Variants in SNX30 observed in about 807,000 individuals in gnomAD.
SNX30 encodes sorting nexin family member 30, also known as sorting nexin-30.
In SNX30, 24 loss-of-function variants were observed where a neutral mutation model predicts 46.4. The observed-to-expected ratio is 0.52, with a 90% CI of 0.37 to 0.73. The LOEUF is 0.73. Among genes scored for constraint, SNX30 ranks in the 30% least tolerant of loss-of-function variants. SNX30 has a pLI of 0.00. For synonymous variants in SNX30, 189 were observed against 211.5 expected (o/e 0.89, Z 0.92); for missense variants, 533 against 555.7 (o/e 0.96, Z 0.41).
At chr9:112,868,039 C>T (rs1339761651) in intron 8 of SNX30, among the ~76,000 whole-genome samples, 5 of 152,210 alleles carry the variant, frequency 3.3e-5, no homozygotes. Context: ...GTGGAGAGAA[C>T]ATCAGCGTGG....
At chr9:112,758,517 A>T (rs939570453) in intron 1 of SNX30, among the ~76,000 whole-genome samples, 12 of 152,016 alleles carry the variant, frequency 7.9e-5, no homozygotes, top group Non-Finnish European at 1.6e-4. Context: ...TTTGGTAGAG[A>T]TGGGGTTTCG....
intron 6 of SNX30, 114 bp from the exon 7 acceptor site, chr9:112,850,742 TGGG>T: frequency 1.5e-6 from 1 of 676,816 alleles, no homozygotes; most frequent in Non-Finnish European, 2.6e-6. Flanking sequence ...AGCACATGGC[TGGG>T]CCTGGGGTAG....
At chr9:112,761,969 C>T (rs1014669495) in intron 1 of SNX30, among the ~76,000 whole-genome samples, 2 of 152,114 alleles carry the variant, frequency 1.3e-5, no homozygotes, top group Admixed American at 6.5e-5. Context: ...AGGATGTCAT[C>T]GCAGTTTGAA....
At chr9:112,833,869 T>C (rs1413533605) in intron 4 of SNX30, among the ~76,000 whole-genome samples, 1 of 152,172 alleles carries the variant, frequency 6.6e-6, no homozygotes, top group Non-Finnish European at 1.5e-5. Flanking sequence ...ATGGAATCTT[T>C]AGGACACTCT....
chr9:112,751,180 G>C (rs1258967950), intron 1 of SNX30, 23 bp downstream of exon 1: 14 of 1,466,714 alleles, frequency 9.5e-6, no homozygotes, highest in Admixed American at 2.2e-5. Flanking sequence ...GGGCCGGGGA[G>C]TGGGAGGCTT....
chr9:112,861,033 T>C (rs1841219254), intron 7 of SNX30, among the ~76,000 whole-genome samples: 1 of 152,162 alleles, frequency 6.6e-6, no homozygotes, highest in South Asian at 2.1e-4. Context: ...GGAAAATACA[T>C]TGCAAGAGTG....
intron 6 of SNX30, among the ~76,000 whole-genome samples, chr9:112,839,126 A>G (rs1041365433): frequency 2.0e-5 from 3 of 152,210 alleles, no homozygotes; most frequent in Admixed American, 2.0e-4. Context: ...AAGTACTGAA[A>G]ATATGAAAGA....
At position 112,864,354 on chromosome 9, in the gene SNX30, G is replaced by A. The variant is rs535897402; in HGVS notation, c.1209G>A (p.Gln403=). 1 of 1,614,252 alleles carries A rather than the reference G, an allele frequency of 6.2e-7. No homozygotes were observed. Among genetic ancestry groups the A allele is most frequent in the East Asian group, 2.2e-5 (1 of 44,888 alleles). Reference sequence around the variant, plus strand: ...ACAACAAGAGGCAGGACTTCCGGCAGCTACTCATGGGGATGGCTGACAAGA... The same window carrying A: ...ACAACAAGAGGCAGGACTTCCGGCAACTACTCATGGGGATGGCTGACAAGA... ...WQNNKRQDFR[Q]LLMGMADKNI... Residue 403 remains glutamine (Q), a synonymous_variant, in exon 8 of 9, where the codon CAG becomes CAA. Transcript: ENST00000374232.
chr9:112,804,106 C>T (rs1184935373), intron 1 of SNX30, among the ~76,000 whole-genome samples: 1 of 151,222 alleles, frequency 6.6e-6, no homozygotes, highest in African/African-American at 2.4e-5. Context: ...CTGCGTCGCT[C>T]ACGCTGGGAG....
chr9:112,754,406 C>CTTTTT (rs755479504), intron 1 of SNX30, among the ~76,000 whole-genome samples: 17 of 113,036 alleles, frequency 1.5e-4, no homozygotes, highest in African/African-American at 2.6e-4. Flanking sequence ...CTCACTGGGC[C>CTTTTT]TTTTTTTTTT....
intron 1 of SNX30, among the ~76,000 whole-genome samples, chr9:112,760,640 G>T (rs1296617129): frequency 6.6e-6 from 1 of 152,214 alleles, no homozygotes; most frequent in African/African-American, 2.4e-5. Context: ...GGATCCGACT[G>T]TGCCAGCTGT....
intron 4 of SNX30, among the ~76,000 whole-genome samples, chr9:112,831,353 G>A (rs1840657497): frequency 6.6e-6 from 1 of 152,146 alleles, no homozygotes; most frequent in Admixed American, 6.6e-5. Flanking sequence ...CCCACTTGCA[G>A]CAGCAGAGGA....
At chr9:112,817,630 A>G in intron 2 of SNX30, 75 bp from the exon 3 acceptor site, 1 of 861,590 alleles carries the variant, frequency 1.2e-6, no homozygotes, top group East Asian at 2.4e-5. Context: ...GGTTATTCTA[A>G]GAGCTTTTTT....
At chr9:112,806,064 C>T (rs1200907990) in intron 2 of SNX30, among the ~76,000 whole-genome samples, 1 of 152,090 alleles carries the variant, frequency 6.6e-6, no homozygotes, top group Non-Finnish European at 1.5e-5. Context: ...CCAATCTTGG[C>T]AGTATTAACC....
At chr9:112,784,378 T>TTA (rs1839887998) in intron 1 of SNX30, among the ~76,000 whole-genome samples, 1 of 152,234 alleles carries the variant, frequency 6.6e-6, no homozygotes, top group Non-Finnish European at 1.5e-5. Context: ...CCGTTACCTG[T>TTA]GGGGTGCACC....
downstream of SNX30, chr9:112,878,339 G>C (rs1359544091): frequency 6.6e-6 from 1 of 152,226 alleles, no homozygotes; most frequent in Non-Finnish European, 1.5e-5. Context: ...CTAAACCTTT[G>C]ATATATTTTC....
At chr9:112,751,794 G>T (rs1839282367) in intron 1 of SNX30, among the ~76,000 whole-genome samples, 1 of 152,174 alleles carries the variant, frequency 6.6e-6, no homozygotes, top group Admixed American at 6.5e-5. Flanking sequence ...GCAGAGGCTG[G>T]TTTTGTGGTT....
chr9:112,773,308 A>G (rs1368399247), intron 1 of SNX30, among the ~76,000 whole-genome samples: 2 of 152,188 alleles, frequency 1.3e-5, no homozygotes, highest in Non-Finnish European at 2.9e-5. Context: ...GGTTATGTAC[A>G]ATAGGGTCCA....
At chr9:112,841,196 G>A (rs979153655) in intron 6 of SNX30, among the ~76,000 whole-genome samples, 1 of 152,142 alleles carries the variant, frequency 6.6e-6, no homozygotes, top group Non-Finnish European at 1.5e-5. Flanking sequence ...CACAGCACTG[G>A]GATACTATAG....
Sources: gnomAD v4.1 joint callset for allele counts (sites outside exome capture counted in the v4.1 genomes callset) on GRCh38, gnomAD v4.1.1 for gene constraint, MANE v1.5 for transcripts, NCBI Gene and HGNC (gene_info 2026-07-23, HGNC 2026-07-21) for gene names.